Variants in KYAT3 observed in about 807,000 individuals in gnomAD.
KYAT3 encodes the protein kynurenine--oxoglutarate transaminase 3.
A neutral mutation model predicts 59.0 loss-of-function variants in KYAT3; 50 were observed. That is an observed-to-expected ratio of 0.85 (90% confidence interval 0.68 to 1.07). The LOEUF is 1.07. Among genes scored for constraint, KYAT3 ranks in the 50% least tolerant of loss-of-function variants. The pLI is 0.00. For missense variants in KYAT3, 497 were observed against 533.3 expected, an observed-to-expected ratio of 0.93 and a Z score of 0.67; for synonymous variants, 148 against 177.0, an observed-to-expected ratio of 0.84 and a Z score of 1.30.
At chr1:88,959,784 C>T (rs967712896) in intron 8 of KYAT3, among the ~76,000 whole-genome samples, 1 of 151,674 alleles carries the variant, frequency 6.6e-6, no homozygotes, top group Non-Finnish European at 1.5e-5. Context: ...TTATTCCCCT[C>T]AAACAGTCGC....
At chr1:88,957,769 A>G (rs1023705280) in intron 8 of KYAT3, among the ~76,000 whole-genome samples, 41 of 152,344 alleles carry the variant, frequency 2.7e-4, no homozygotes, top group African/African-American at 9.1e-4. Flanking sequence ...AAGATGATCT[A>G]AAGTGATTTT....
chr1:88,961,497 A>G lies in KYAT3; in HGVS notation c.550T>C (p.Tyr184His), dbSNP rs757682451. ...VFIPLRSKPV[Y>H]GKRWSSSDWT... ...TCAGAACTAGACCATCTTTTTCCATAAACAGGTTTCTAAGCATGAAGAATG... is the reference window on the plus strand; with the variant it reads ...TCAGAACTAGACCATCTTTTTCCATGAACAGGTTTCTAAGCATGAAGAATG... Residue 184 changes from tyrosine (Y) to histidine (H), a missense_variant, in exon 7 of 14, where the codon TAT becomes CAT. By Grantham distance (83) the Tyr-to-His change is moderately conservative. This residue lies in a region of KYAT3 where 469 missense variants were observed against 479.1 expected (regional missense o/e 0.98). Coordinates refer to ENST00000260508, the MANE Select transcript of KYAT3 (RefSeq NM_001008661.3). 3.7e-6 allele frequency: 6 copies of G among 1,611,040 alleles called. No homozygotes were observed. Among genetic ancestry groups the G allele is most frequent in the Non-Finnish European group, 5.1e-6 (6 of 1,178,392 alleles).
At chr1:88,952,895 C>T (rs10922526) in intron 10 of KYAT3, among the ~76,000 whole-genome samples, 168 bp downstream of exon 10, 4,805 of 152,180 alleles carry the variant, frequency 0.032, 224 homozygotes, top group African/African-American at 0.11. Context: ...AAACCCAAAC[C>T]ATGCTTGATA....
intron 1 of KYAT3, among the ~76,000 whole-genome samples, chr1:88,991,560 G>T (rs905656625): frequency 6.6e-6 from 1 of 152,218 alleles, no homozygotes; most frequent in Non-Finnish European, 1.5e-5. Flanking sequence ...ACAAAGTCCT[G>T]GACGGGGGAG....
downstream of KYAT3, among the ~76,000 whole-genome samples, chr1:88,934,989 ATTTTT>A (rs59691903): frequency 2.7e-5 from 3 of 110,102 alleles, no homozygotes; most frequent in African/African-American, 1.0e-4. Context: ...TAAAGAAGTG[ATTTTT>A]TTTTTTTTTT....
downstream of KYAT3, among the ~76,000 whole-genome samples, chr1:88,932,512 A>G (rs1009996811): frequency 3.9e-5 from 6 of 152,122 alleles, no homozygotes; most frequent in Admixed American, 1.3e-4. Context: ...TTATTATTTT[A>G]AGACAGGGTC....
Position 88,964,809 on chromosome 1 carries a change from G to A in KYAT3, c.453+20C>T, listed in dbSNP as rs147921450. On this transcript the variant is annotated intron_variant, in intron 5 of 13. Transcript: ENST00000260508. ...GATAATTGATTAATATGGGTATTACGATAATGTTAATATACTTACTTCATC... is the reference window on the plus strand; with the variant it reads ...GATAATTGATTAATATGGGTATTACAATAATGTTAATATACTTACTTCATC... The A allele has an allele frequency of 5.8e-3, 8,974 of 1,549,120 alleles. 39 individuals carry two copies. Among genetic ancestry groups the A allele is most frequent in the South Asian group, 0.012 (1,005 of 84,854 alleles).
In KYAT3 at chr1:88,969,331, CA is replaced by C. The variant is rs59490538; in HGVS notation, c.158+77del. On this transcript the variant is annotated intron_variant, in intron 3 of 13. Transcript: ENST00000260508. ...CTTTATTTATAGACCATGGATGAGG[CA>C]AAAAAAACTCCCATCTAAAGATACG... The C allele has an allele frequency of 2.5e-4, 207 of 823,730 alleles. No homozygotes were observed. In the African/African-American group the frequency reaches 2.9e-3, roughly 11 times the overall value. 51.0% of individuals were successfully genotyped at this position (823,730 alleles called of 1,614,324 possible).
intron 5 of KYAT3, chr1:88,964,469 A>G: frequency 5.5e-6 from 1 of 181,998 alleles, no homozygotes; most frequent in Non-Finnish European, 1.2e-5. Context: ...TCTAGACCCA[A>G]GAGTATACAC....
At position 88,988,305 on chromosome 1, in the gene KYAT3, T is replaced by C; in HGVS notation, c.46A>G (p.Lys16Glu). The C allele has an allele frequency of 1.9e-6, 3 of 1,613,888 alleles. No homozygotes were observed. The highest frequency in any genetic ancestry group is 2.5e-6 in the Non-Finnish European group (3 of 1,179,822). ...RSLCSLSGRA[K>E]FLKTISSSKI... ...GAAGAAGAAATTGTCTTCAGGAATT[T>C]TGCTCTACCGCTAAGAGAGCAGAGG... The change falls in exon 2 of 14, where the codon AAA (lysine) becomes GAA (glutamate). Residue 16 changes from lysine to glutamate, a missense_variant. Physicochemically the swap from Lys to Glu is moderately conservative, Grantham distance 56. Around this residue, in one of 2 missense-constraint regions of KYAT3, gnomAD observed 469 missense variants for 479.1 expected, o/e 0.98. Transcript: ENST00000260508.
At chr1:88,922,504 C>T in the KYAT3 span, among the ~76,000 whole-genome samples, 1 of 152,124 alleles carries the variant, frequency 6.6e-6, no homozygotes, top group African/African-American at 2.4e-5. Flanking sequence ...TGAGCTCTGC[C>T]TCCTTTCAGA....
At chr1:88,937,110 T>G (rs1675067063) in intron 13 of KYAT3, among the ~76,000 whole-genome samples, 2 of 152,068 alleles carry the variant, frequency 1.3e-5, no homozygotes, top group South Asian at 4.1e-4. Context: ...GGAGCCTGGA[T>G]GAGATGAGGC....
chr1:88,958,122 G>C (rs1285461101), intron 8 of KYAT3, among the ~76,000 whole-genome samples: 1 of 152,108 alleles, frequency 6.6e-6, no homozygotes, highest in African/African-American at 2.4e-5. Context: ...CTTGTCCCCA[G>C]ATATCTATTC....
chr1:88,976,400 G>GCTGTT (rs1222233010), intron 2 of KYAT3, among the ~76,000 whole-genome samples: 2 of 151,990 alleles, frequency 1.3e-5, no homozygotes, highest in Non-Finnish European at 2.9e-5. Flanking sequence ...AGCCATTGTA[G>GCTGTT]CTGTTGTAAC....
chr1:88,990,194 C>T (rs548051488), intron 1 of KYAT3, among the ~76,000 whole-genome samples: 1 of 152,274 alleles, frequency 6.6e-6, no homozygotes, highest in Admixed American at 6.5e-5. Flanking sequence ...ATCTCATTCC[C>T]TCTACGGATA....
chr1:88,940,545 A>G (rs1675198327), intron 13 of KYAT3, among the ~76,000 whole-genome samples: 1 of 151,856 alleles, frequency 6.6e-6, no homozygotes. Context: ...ACCAGAAAAG[A>G]GCAGAAATTC....
chr1:88,982,793 T>C, intron 2 of KYAT3: 1 of 1,613,940 alleles, frequency 6.2e-7, no homozygotes, highest in Non-Finnish European at 8.5e-7. Flanking sequence ...AAGCCCTCTT[T>C]CTTGTCTGCC....
chr1:88,956,025 C>A (rs1675899787), intron 8 of KYAT3, among the ~76,000 whole-genome samples: 1 of 152,106 alleles, frequency 6.6e-6, no homozygotes, highest in African/African-American at 2.4e-5. Context: ...AAAAGAAGCC[C>A]TGTACCTTTT....
the KYAT3 span, among the ~76,000 whole-genome samples, chr1:88,925,198 G>T: frequency 5.3e-5 from 8 of 152,174 alleles, 1 homozygote; most frequent in South Asian, 1.4e-3. Flanking sequence ...AGAAACCAAG[G>T]GCCGACTAGA....
Sources: gnomAD v4.1 joint callset for allele counts (sites outside exome capture counted in the v4.1 genomes callset) on GRCh38, gnomAD v4.1.1 for gene constraint, gnomAD v4.1.1 regional missense constraint, MANE v1.5 for transcripts, NCBI Gene and HGNC (gene_info 2026-07-23, HGNC 2026-07-21) for gene names.